The following P2RX7 variants were observed in gnomAD, a reference collection of about 807,000 sequenced individuals.
P2RX7 encodes the protein P2X purinoceptor 7.
Under a neutral mutation model 71.6 loss-of-function variants are expected in P2RX7, and 62 were observed. The ratio of observed to expected loss-of-function variants is 0.87; its 90% CI spans 0.71 to 1.07. The LOEUF is 1.07. Among genes scored for constraint, P2RX7 ranks in the 50% least tolerant of loss-of-function variants. The pLI, the probability that P2RX7 is intolerant of heterozygous loss-of-function variation, is 0.00. For missense variants in P2RX7, 686 were observed against 748.5 expected (o/e 0.92, Z 0.97); for synonymous variants, 299 against 283.3 (o/e 1.06, Z -0.56).
intron 12 of P2RX7, among the ~76,000 whole-genome samples, chr12:121,182,040 G>A (rs991197980): frequency 2.0e-5 from 3 of 148,712 alleles, no homozygotes; most frequent in Non-Finnish European, 4.4e-5. Context: ...CTCTAGCCTG[G>A]GCAACAGAAC....
Position 121,179,742 on chromosome 12 carries a change from T to C in P2RX7, c.1189-612T>C, listed in dbSNP as rs150466050. 2.9e-3 allele frequency among the ~76,000 whole-genome samples: 445 copies of C among 152,286 alleles called. 4 individuals carry two copies. The highest frequency in any genetic ancestry group is 1.0e-2 in the African/African-American group (414 of 41,564). On this transcript the variant is annotated intron_variant, in intron 11 of 12. Coordinates refer to ENST00000328963, the MANE Select transcript of P2RX7 (RefSeq NM_002562.6). ...TACAAATTTCTGGAGATACTGAATC[T>C]AGAGTTACTGAAATTGACAGAATAC...
Position 121,154,466 on chromosome 12 carries a change from A to C in P2RX7, c.126-319A>C, listed in dbSNP as rs1158212341. On this transcript the variant is annotated intron_variant, in intron 1 of 12. Transcript: ENST00000328963. This position sits in a 1 kb window ranked among gnomAD's most constrained non-coding sequence, Gnocchi z 4.2. ...CCGGGGCGAGACTTTATGACTTGAGAAGCTGTCCTATCTATGAGGGTCCAT... is the reference window on the plus strand; with the variant it reads ...CCGGGGCGAGACTTTATGACTTGAGCAGCTGTCCTATCTATGAGGGTCCAT... 6.6e-6 allele frequency among the ~76,000 whole-genome samples: 1 copy of C among 152,128 alleles called. No individual in the cohort carries two copies. The highest frequency in any genetic ancestry group is 2.4e-5 in the African/African-American group (1 of 41,418).
intron 9 of P2RX7, among the ~76,000 whole-genome samples, chr12:121,176,228 A>AACACACACACACACACACACAC (rs56222751): frequency 1.4e-5 from 2 of 140,752 alleles, no homozygotes; most frequent in Non-Finnish European, 3.1e-5. Flanking sequence ...CAGCCCCTTC[A>AACACACACACACACACACACAC]ACACACACAC....
At position 121,185,386 on chromosome 12, in the gene P2RX7, T is replaced by A. The variant is rs1457402285; in HGVS notation, c.*584T>A. Reference sequence around the variant, plus strand: ...TGCCTCTGTCTCCTTGTTGCCCAACTACTATCTCAGAGATATTGTGAGGAC... The same window carrying A: ...TGCCTCTGTCTCCTTGTTGCCCAACAACTATCTCAGAGATATTGTGAGGAC... On this transcript the variant is annotated 3_prime_UTR_variant, in exon 13 of 13. Transcript: ENST00000328963. 1 of 153,010 alleles carries A rather than the reference T, an allele frequency of 6.5e-6. No homozygotes were observed. Among genetic ancestry groups the A allele is most frequent in the Admixed American group, 6.5e-5 (1 of 15,314 alleles). The allele number at this position is 153,010 out of a possible 1,614,324, so 9.5% of individuals were successfully genotyped here.
At chr12:121,139,821 A>C (rs1335642629) in intron 1 of P2RX7, among the ~76,000 whole-genome samples, 1 of 126,710 alleles carries the variant, frequency 7.9e-6, no homozygotes, top group Admixed American at 9.7e-5. Flanking sequence ...TGCAACCCCC[A>C]CCTCCTGGGT....
Position 121,162,487 on chromosome 12 carries a change from G to C in P2RX7, c.500G>C (p.Trp167Ser). ...GNQKTCEVSA[W>S]CPIEAVEEAP... is the part of the protein sequence containing the mutation. The stretch of plus-strand genomic sequence containing the variant: ...CAGAAGACCTGTGAAGTCTCTGCCT[G>C]GTGCCCCATCGAGGCAGTGGAAGAG... The change falls in exon 5 of 13, where the codon TGG (tryptophan) becomes TCG (serine). Residue 167 changes from tryptophan to serine, a missense_variant. Trp to Ser is a radical substitution (Grantham distance 177). Transcript: ENST00000328963. The C allele has an allele frequency of 6.2e-7, 1 of 1,613,736 alleles. No homozygotes were observed. The highest frequency in any genetic ancestry group is 8.5e-7 in the Non-Finnish European group (1 of 1,179,998).
chr12:121,177,264 G>T, intron 10 of P2RX7, 33 bp from the exon 11 acceptor site: 1 of 1,614,074 alleles, frequency 6.2e-7, no homozygotes, highest in East Asian at 2.2e-5. Context: ...AGAAGGAAGT[G>T]ACTAACGCAG....
At chr12:121,159,219 C>G (rs1225400773) in intron 3 of P2RX7, among the ~76,000 whole-genome samples, 1 of 152,028 alleles carries the variant, frequency 6.6e-6, no homozygotes, top group Non-Finnish European at 1.5e-5. Flanking sequence ...GAGTTCAAGA[C>G]CAGCCTGGCC....
intron 8 of P2RX7, 61 bp from the exon 9 acceptor site, chr12:121,175,327 A>AAAAAAAAAAC: frequency 9.7e-7 from 1 of 1,031,566 alleles, no homozygotes; most frequent in Non-Finnish European, 1.4e-6. Flanking sequence ...AAAAAAAAAA[A>AAAAAAAAAAC]AACCCAAAAC....
rs200743293 is a variant in P2RX7, at chr12:121,184,832, C to G, written c.*30C>G. 3.3e-6 allele frequency: 5 copies of G among 1,496,870 alleles called. No homozygotes were observed. Among genetic ancestry groups the G allele is most frequent in the Non-Finnish European group, 4.5e-6 (5 of 1,112,966 alleles). 92.7% of individuals were successfully genotyped at this position (1,496,870 alleles called of 1,614,324 possible). A position where few individuals can be genotyped will look rare whatever the true frequency, so the allele number is the denominator to read the frequency against. On this transcript the variant is annotated 3_prime_UTR_variant, in exon 13 of 13. Coordinates refer to ENST00000328963, the MANE Select transcript of P2RX7 (RefSeq NM_002562.6). ...AGGCACCGTGGCTCACGTCTGTAAT[C>G]CCAGCGCTTTGGGAGGCCGAGGCAG...
Position 121,177,281 on chromosome 12 carries a change from T to C in P2RX7, c.1039-16T>C, listed in dbSNP as rs757134811. On this transcript the variant is annotated splice_polypyrimidine_tract_variant and intron_variant, in intron 10 of 12. Transcript: ENST00000328963. ...AAGGAAGTGACTAACGCAGCGCTTG[T>C]CTGCATTCTCCCCAGGCCGCTGTGT... The C allele has an allele frequency of 1.2e-5, 19 of 1,614,138 alleles. No individual in the cohort carries two copies. The highest frequency in any genetic ancestry group is 2.2e-5 in the East Asian group (1 of 44,894).
intron 1 of P2RX7, among the ~76,000 whole-genome samples, chr12:121,150,239 G>A (rs1432427177): frequency 6.6e-6 from 1 of 152,192 alleles, no homozygotes; most frequent in Non-Finnish European, 1.5e-5. Context: ...CAGCTCTGAA[G>A]CATTTTAATT....
intron 5 of P2RX7, among the ~76,000 whole-genome samples, chr12:121,163,942 G>C (rs1565959434): frequency 6.6e-6 from 1 of 152,112 alleles, no homozygotes; most frequent in Non-Finnish European, 1.5e-5. Context: ...GGGATGGGGG[G>C]TGCGCTCAGC....
intron 1 of P2RX7, among the ~76,000 whole-genome samples, chr12:121,151,966 G>A (rs919290040): frequency 2.0e-5 from 3 of 152,064 alleles, no homozygotes; most frequent in East Asian, 3.9e-4. Flanking sequence ...CAGGAGAATC[G>A]CTTGAACTCC....
intron 2 of P2RX7, chr12:121,155,317 C>G (rs945521520): frequency 1.1e-5 from 14 of 1,307,258 alleles, no homozygotes; most frequent in Non-Finnish European, 1.4e-5. Flanking sequence ...AGAGCACCAG[C>G]CCTTCTAGAT....
chr12:121,175,517 T>C, intron 9 of P2RX7, 39 bp downstream of exon 9: 1 of 903,190 alleles, frequency 1.1e-6, no homozygotes. Context: ...CGGCATCCTA[T>C]GACTGTGTCC....
At chr12:121,146,105 G>A (rs1166242921) in intron 1 of P2RX7, among the ~76,000 whole-genome samples, 4 of 151,842 alleles carry the variant, frequency 2.6e-5, no homozygotes, top group African/African-American at 4.8e-5. Context: ...TTCGCCTTTG[G>A]TTAGAGTTCT....
rs117934435 is a variant in P2RX7 at position 121,179,694 on chromosome 12, G to A, written c.1189-660G>A. ...AGATGAGATGAAATTTAACAAACAT[G>A]TAAATAATTTAAGTTGCAATAGTAC... is the stretch of plus-strand genomic sequence containing the variant. On this transcript the variant is annotated intron_variant, in intron 11 of 12. Transcript: ENST00000328963. 1.4e-3 allele frequency among the ~76,000 whole-genome samples: 216 copies of A among 152,204 alleles called. 11 individuals carry two copies. In the East Asian group the frequency reaches 0.038, roughly 27 times the overall value.
Position 121,160,975 on chromosome 12 carries a change from G to T in P2RX7, c.436+1G>T, listed in dbSNP as rs778967979. On this transcript the variant is annotated splice_donor_variant, in intron 4 of 12. Coordinates refer to ENST00000328963, the MANE Select transcript of P2RX7 (RefSeq NM_002562.6). LOFTEE classifies it high-confidence loss of function. ...GGATGGATGGACCCGCAGAGCAAAG[G>T]TACCTTCTGTTTCTTTTCCCGAGAC... The T allele has an allele frequency of 3.7e-6, 6 of 1,612,146 alleles. No individual in the cohort carries two copies. In the African/African-American group the frequency reaches 6.7e-5, roughly 18 times the overall value.
Sources: allele counts gnomAD v4.1 joint callset (sites outside exome capture counted in the v4.1 genomes callset), GRCh38; gene constraint gnomAD v4.1.1; non-coding constraint Gnocchi (gnomAD v3.1); transcripts MANE v1.5; gene names NCBI Gene and HGNC (gene_info 2026-07-23, HGNC 2026-07-21).